DPP10: variants seen among roughly 807,000 people sequenced by gnomAD.
DPP10 encodes the protein dipeptidyl peptidase like 10.
Under a neutral mutation model 120.9 loss-of-function variants are expected in DPP10, and 33 were observed. That is an observed-to-expected ratio of 0.27 (90% CI 0.21 to 0.37). The LOEUF (loss-of-function observed/expected upper bound fraction) is 0.37. DPP10 is among the 10% of genes least tolerant of loss of function. The probability of loss-of-function intolerance (pLI) is 1.00; values close to 1 mark genes in which losing one functional copy is unlikely to be tolerated. For missense variants in DPP10, 816 were observed against 942.8 expected (o/e 0.87, Z 1.76); for synonymous variants, 337 against 326.1 (o/e 1.03, Z -0.36).
chr2:115,001,789 C>T (rs1205603884), intron 1 of DPP10, among the ~76,000 whole-genome samples: 2 of 152,078 alleles, frequency 1.3e-5, no homozygotes, highest in African/African-American at 4.8e-5. Flanking sequence ...CAATCACCAC[C>T]AAAAGAATAA....
At chr2:115,098,485 C>T (rs1559092373) in intron 1 of DPP10, among the ~76,000 whole-genome samples, 1 of 152,094 alleles carries the variant, frequency 6.6e-6, no homozygotes, top group African/African-American at 2.4e-5. Context: ...GTATAGTCTA[C>T]TGCTCCTGGG....
chr2:115,715,339 C>CAAAAAAAAAAAAAAAAA (rs546857779), intron 7 of DPP10, among the ~76,000 whole-genome samples: 12 of 67,654 alleles, frequency 1.8e-4, no homozygotes, highest in East Asian at 6.0e-4. Context: ...AACTCCGTCT[C>CAAAAAAAAAAAAAAAAA]AAAAAAAAAA....
intron 1 of DPP10, among the ~76,000 whole-genome samples, chr2:114,718,096 A>C (rs916245184): frequency 3.9e-5 from 6 of 152,002 alleles, no homozygotes; most frequent in East Asian, 1.9e-4. Flanking sequence ...CAAAAAAAAA[A>C]CAGGGACTCC....
intron 10 of DPP10, among the ~76,000 whole-genome samples, chr2:115,748,919 A>T (rs568725034): frequency 6.6e-6 from 1 of 152,304 alleles, no homozygotes; most frequent in East Asian, 1.9e-4. Context: ...ATCAATTTAG[A>T]CAATGAGTGC....
chr2:115,041,130 A>C (rs907243456), intron 1 of DPP10, among the ~76,000 whole-genome samples: 3 of 151,764 alleles, frequency 2.0e-5, no homozygotes, highest in African/African-American at 7.3e-5. Context: ...AAAAAAAAAA[A>C]AAAAAAAAGT....
At chr2:115,130,162 A>T (rs2050267944) in intron 1 of DPP10, among the ~76,000 whole-genome samples, 1 of 152,172 alleles carries the variant, frequency 6.6e-6, no homozygotes, top group Non-Finnish European at 1.5e-5. Flanking sequence ...GCTAGCTCAG[A>T]TGGAAGTTGT....
At chr2:114,934,025 AC>A (rs1349937662) in intron 1 of DPP10, among the ~76,000 whole-genome samples, 1 of 152,194 alleles carries the variant, frequency 6.6e-6, no homozygotes, top group African/African-American at 2.4e-5. Flanking sequence ...CGTTCTGCCT[AC>A]TAATGCTATT....
intron 1 of DPP10, among the ~76,000 whole-genome samples, chr2:114,964,659 A>G (rs1267398561): frequency 1.3e-5 from 2 of 152,146 alleles, no homozygotes; most frequent in Non-Finnish European, 1.5e-5. Context: ...GGGGAGCTAT[A>G]TGGTTGGAGC....
intron 5 of DPP10, among the ~76,000 whole-genome samples, chr2:115,621,725 G>A (rs1379668907): frequency 2.6e-5 from 4 of 152,144 alleles, no homozygotes; most frequent in African/African-American, 9.7e-5. Flanking sequence ...TCGTGCCCAG[G>A]CTGGAGGGCA....
chr2:115,222,365 T>A (rs2057216126), intron 1 of DPP10, among the ~76,000 whole-genome samples: 1 of 152,118 alleles, frequency 6.6e-6, no homozygotes, highest in Non-Finnish European at 1.5e-5. Context: ...CCCACCCACA[T>A]TTCATCTTGA....
At chr2:114,708,179 C>T (rs762409644) in intron 1 of DPP10, among the ~76,000 whole-genome samples, 3 of 152,276 alleles carry the variant, frequency 2.0e-5, no homozygotes, top group African/African-American at 4.8e-5. Flanking sequence ...GTCAGTTCCC[C>T]GAGTCTCAGG....
intron 1 of DPP10, among the ~76,000 whole-genome samples, chr2:114,996,733 C>T (rs1170160073): frequency 6.6e-6 from 1 of 152,070 alleles, no homozygotes; most frequent in Non-Finnish European, 1.5e-5. Flanking sequence ...CCTGTAATCC[C>T]AGCACTTTGG....
chr2:115,465,268 C>T (rs1413476055), intron 3 of DPP10, among the ~76,000 whole-genome samples: 2 of 151,934 alleles, frequency 1.3e-5, no homozygotes, highest in Non-Finnish European at 2.9e-5. Flanking sequence ...TTAAAACACA[C>T]GGTTATCCTA....
chr2:115,594,839 T>C (rs1250924009), intron 5 of DPP10, among the ~76,000 whole-genome samples: 1 of 152,126 alleles, frequency 6.6e-6, no homozygotes, highest in Non-Finnish European at 1.5e-5. Flanking sequence ...AAATTTATCA[T>C]AATAGATATA....
At chr2:114,859,741 C>T (rs1211157328) in intron 1 of DPP10, among the ~76,000 whole-genome samples, 1 of 152,118 alleles carries the variant, frequency 6.6e-6, no homozygotes, top group Non-Finnish European at 1.5e-5. Flanking sequence ...CTTTTTCCTC[C>T]CCAGTGATTG....
intron 1 of DPP10, among the ~76,000 whole-genome samples, chr2:114,554,280 G>C (rs1688113148): frequency 6.6e-6 from 1 of 152,206 alleles, no homozygotes; most frequent in South Asian, 2.1e-4. Context: ...ACTGAGGACT[G>C]AATAGAAGAT....
chr2:115,380,979 C>T (rs1268577542), intron 3 of DPP10, among the ~76,000 whole-genome samples: 1 of 152,138 alleles, frequency 6.6e-6, no homozygotes, highest in African/African-American at 2.4e-5. Context: ...TCTGGCTGCC[C>T]TTAACATTTT....
chr2:115,480,772 CTCATA>C (rs1322857707), intron 3 of DPP10, among the ~76,000 whole-genome samples: 1 of 152,042 alleles, frequency 6.6e-6, no homozygotes, highest in African/African-American at 2.4e-5. Context: ...TATAAAGAAT[CTCATA>C]TCATGTTTTC....
chr2:114,696,526 A>C (rs76231349), intron 1 of DPP10, among the ~76,000 whole-genome samples: 4 of 152,050 alleles, frequency 2.6e-5, no homozygotes, highest in Admixed American at 2.6e-4. Flanking sequence ...CTCTTTTAAC[A>C]ATGGAAATTT....
Sources: gnomAD v4.1 joint callset for allele counts (sites outside exome capture counted in the v4.1 genomes callset) on GRCh38, gnomAD v4.1.1 for gene constraint, MANE v1.5 for transcripts, NCBI Gene and HGNC (gene_info 2026-07-23, HGNC 2026-07-21) for gene names.